CP: variants seen among roughly 807,000 people sequenced by gnomAD.
The protein encoded by CP is ceruloplasmin, also known as caeruloplasmin.
A neutral mutation model predicts 122.4 loss-of-function variants in CP; 64 were observed. That is an observed-to-expected ratio of 0.52 (90% CI 0.43 to 0.64). The LOEUF is 0.64. CP is among the 30% of genes least tolerant of loss of function. The probability of loss-of-function intolerance (pLI) is 0.00; values close to 1 mark genes in which losing one functional copy is unlikely to be tolerated. For missense variants in CP, 1,167 were observed against 1,284.4 expected (o/e 0.91, Z 1.40); for synonymous variants, 440 against 436.4 (o/e 1.01, Z -0.10).
intron 6 of CP, 36 bp downstream of exon 6, chr3:149,206,132 C>A: frequency 6.3e-7 from 1 of 1,593,734 alleles, no homozygotes; most frequent in Non-Finnish European, 8.6e-7. Context: ...CGGGGGAGAG[C>A]ATATTTTGAA....
intron 14 of CP, 32 bp downstream of exon 14, chr3:149,181,973 T>TGGGGGGGGGGGGGGG: frequency 4.4e-6 from 6 of 1,375,564 alleles, no homozygotes; most frequent in African/African-American, 1.4e-5. Flanking sequence ...CCTGTTAAAA[T>TGGGGGGGGGGGGGGG]GCACCACCCC....
In CP at chr3:149,178,433, C is replaced by G; in HGVS notation, c.2860G>C (p.Glu954Gln). The change falls in exon 16 of 19, where the codon GAA becomes CAA. Residue 954 changes from glutamate (E) to glutamine (Q), a missense_variant. Glu to Gln is a conservative substitution (Grantham distance 29, BLOSUM62 2). Transcript: ENST00000264613. ...GACATACCATGCATTTTATTGCTTT[C>G]TATGAATTCCTCATCATCTTTGTTT... ...KVNKDDEEFI[E>Q]SNKMHAINGR... 1 of 1,608,858 alleles carries G rather than the reference C, an allele frequency of 6.2e-7. No individual in the cohort carries two copies. Among genetic ancestry groups the G allele is most frequent in the Non-Finnish European group, 8.5e-7 (1 of 1,175,586 alleles).
intron 9 of CP, among the ~76,000 whole-genome samples, chr3:149,194,847 G>A: frequency 6.6e-6 from 1 of 152,102 alleles, no homozygotes; most frequent in East Asian, 1.9e-4. Flanking sequence ...AAAGAATAAG[G>A]AAGCAAAAAT....
At chr3:149,179,687 T>C (rs770332285) in intron 14 of CP, 25 bp from the exon 15 acceptor site, 2 of 1,484,370 alleles carry the variant, frequency 1.3e-6, no homozygotes, top group South Asian at 2.3e-5. Context: ...TGTTAATGGA[T>C]CTGGTTGTAT....
chr3:149,198,558 G>T lies in CP; in HGVS notation c.1522C>A (p.His508Asn), dbSNP rs1017783394. Residue 508 changes from histidine (H) to asparagine (N), a missense_variant, in exon 9 of 19, where the codon CAT becomes AAT. Around this residue, in one of 2 missense-constraint regions of CP, gnomAD observed 642 missense variants for 627.3 expected, o/e 1.02. Coordinates refer to ENST00000264613, the MANE Select transcript of CP (RefSeq NM_000096.4). Reference sequence around the variant, plus strand: ...GTGAATGTTTCTGTGGGTGCCACATGGGAGGCTGAAGGAGGCACACCTGTG... The same window carrying T: ...GTGAATGTTTCTGTGGGTGCCACATTGGAGGCTGAAGGAGGCACACCTGTG... ...QSRSVPPSAS[H>N]VAPTETFTYE... is the part of the protein sequence containing the mutation. 6.2e-7 allele frequency: 1 copy of T among 1,613,822 alleles called. No homozygotes were observed. The highest frequency in any genetic ancestry group is 1.3e-5 in the African/African-American group (1 of 74,930).
At chr3:149,200,068 C>A in intron 7 of CP, 1 of 582,386 alleles carries the variant, frequency 1.7e-6, no homozygotes, top group Non-Finnish European at 3.1e-6. Context: ...CTTTTTAATT[C>A]AACTTCAGAT....
intron 9 of CP, among the ~76,000 whole-genome samples, chr3:149,189,553 CAAA>C (rs368946126): frequency 5.6e-5 from 5 of 89,336 alleles, no homozygotes; most frequent in Admixed American, 4.0e-4. Flanking sequence ...GACTCTATCT[CAAA>C]AAAAAAAAAA....
chr3:149,170,740 A>T (rs1251642260), downstream of CP, among the ~76,000 whole-genome samples: 2 of 152,142 alleles, frequency 1.3e-5, no homozygotes, highest in African/African-American at 4.8e-5. Flanking sequence ...TGGACAGATG[A>T]CTTTGGAATG....
At position 149,202,131 on chromosome 3, in the gene CP, C is replaced by T; in HGVS notation, c.1319G>A (p.Gly440Asp). 6.2e-7 allele frequency: 1 copy of T among 1,614,074 alleles called. No individual in the cohort carries two copies. The highest frequency in any genetic ancestry group is 8.5e-7 in the Non-Finnish European group (1 of 1,179,998). ...DASFTNRKER[G>D]PEEEHLGILG... ...GATGCCAAGATGCTCTTCTTCAGGG[C>T]CTCTCTCCTTTCGATTTGTGAAGGA... The change falls in exon 7 of 19, where the codon GGC becomes GAC. Residue 440 changes from glycine to aspartate, a missense_variant. This residue lies in a region of CP where 642 missense variants were observed against 627.3 expected (regional missense o/e 1.02). Transcript: ENST00000264613.
chr3:149,212,078 G>A (rs1257065810), intron 2 of CP, among the ~76,000 whole-genome samples: 1 of 152,042 alleles, frequency 6.6e-6, no homozygotes. Context: ...CAGATCAGGA[G>A]GTCAGGAGAT....
At chr3:149,221,566 A>G in intron 1 of CP, 81 bp downstream of exon 1, 1 of 1,396,898 alleles carries the variant, frequency 7.2e-7, no homozygotes, top group Non-Finnish European at 9.8e-7. Flanking sequence ...AAGAAATTTT[A>G]AAAATATTTC....
chr3:149,182,220 T>G, intron 13 of CP, 87 bp from the exon 14 acceptor site: 3 of 1,482,950 alleles, frequency 2.0e-6, no homozygotes, highest in Middle Eastern at 1.7e-4. Flanking sequence ...CTTGTTTCTC[T>G]CCCCCATGGG....
rs772333388 is a variant in CP at position 149,212,615 on chromosome 3, T to A, written c.230A>T (p.Asp77Val). The A allele has an allele frequency of 6.2e-7, 1 of 1,614,092 alleles. No individual in the cohort carries two copies. Among genetic ancestry groups the A allele is most frequent in the South Asian group, 1.1e-5 (1 of 91,078 alleles). ...YKKALYLQYT[D>V]ETFRTTIEKP... ...TTCTATAGTTGTCCTAAAGGTTTCATCTGTGTACTGAAGATAAAGGGCCTT... is the reference window on the plus strand; with the variant it reads ...TTCTATAGTTGTCCTAAAGGTTTCAACTGTGTACTGAAGATAAAGGGCCTT... Residue 77 changes from aspartate to valine, a missense_variant, in exon 2 of 19, where the codon GAT becomes GTT. By Grantham distance (152) the Asp-to-Val change is radical (BLOSUM62 -3). Transcript: ENST00000264613.
chr3:149,182,052 G>A lies in CP; in HGVS notation c.2507C>T (p.Ala836Val). The A allele has an allele frequency of 6.2e-7, 1 of 1,603,644 alleles. No homozygotes were observed. Among genetic ancestry groups the A allele is most frequent in the South Asian group, 1.1e-5 (1 of 90,870 alleles). Residue 836 changes from alanine (A) to valine (V), a missense_variant, in exon 14 of 19, where the codon GCC (alanine) becomes GTC (valine). Coordinates refer to ENST00000264613, the MANE Select transcript of CP (RefSeq NM_000096.4). ...AGAACTCTCTGTTTGTACCCCATGG[G>A]CATGTATTGAGTAGGGCCTTGTGGC... is the stretch of plus-strand genomic sequence containing the variant. ...NMATRPYSIH[A>V]HGVQTESSTV...
At chr3:149,212,033 C>T (rs1728132938) in intron 2 of CP, among the ~76,000 whole-genome samples, 2 of 152,072 alleles carry the variant, frequency 1.3e-5, no homozygotes, top group Admixed American at 6.5e-5. Context: ...GTGACTCACG[C>T]CTGTAATCCC....
Position 149,182,129 on chromosome 3 carries a change from T to G in CP, c.2430A>C (p.Pro810=). ...AEEEHLGILG[P]QLHADVGDKV... ...TGTCTCCAACATCTGCATGAAGTTG[T>G]GGACCTGGCAAAAGTGAAGAGGAAG... The change falls in exon 14 of 19, where the codon CCA becomes CCC. Residue 810 remains proline, a synonymous_variant. Transcript: ENST00000264613. The G allele has an allele frequency of 6.2e-7, 1 of 1,614,186 alleles. No individual in the cohort carries two copies. The highest frequency in any genetic ancestry group is 8.5e-7 in the Non-Finnish European group (1 of 1,180,002).
downstream of CP, among the ~76,000 whole-genome samples, chr3:149,171,454 A>G (rs1028197213): frequency 6.6e-6 from 1 of 152,224 alleles, no homozygotes; most frequent in Non-Finnish European, 1.5e-5. Flanking sequence ...CTTAGTATAG[A>G]CATAGCATTA....
At chr3:149,168,024 T>C, downstream of CP, 2 of 1,188,496 alleles carry the variant, frequency 1.7e-6, no homozygotes, top group Non-Finnish European at 2.5e-6. Flanking sequence ...AACTTAAGTT[T>C]CAGTTTTAAA....
exon 6 of CP, chr3:149,162,576 A>G (rs952041668): frequency 8.4e-7 from 1 of 1,191,188 alleles, no homozygotes. Flanking sequence ...CGCTAATGCT[A>G]ATGGTAAATT....
Sources: gnomAD v4.1 joint callset for allele counts (sites outside exome capture counted in the v4.1 genomes callset) on GRCh38, gnomAD v4.1.1 for gene constraint, gnomAD v4.1.1 regional missense constraint, MANE v1.5 for transcripts, NCBI Gene and HGNC (gene_info 2026-07-23, HGNC 2026-07-21) for gene names.